The following CCDC148 variants were observed in gnomAD, a reference collection of about 807,000 sequenced individuals.
CCDC148 encodes the protein coiled-coil domain-containing protein 148.
In CCDC148, 89 loss-of-function variants were observed where a neutral mutation model predicts 85.7. That is an observed-to-expected ratio of 1.04 (90% CI 0.87 to 1.24). The LOEUF (loss-of-function observed/expected upper bound fraction) is 1.24. CCDC148 is among the 50% of genes most tolerant of loss of function. CCDC148 has a pLI of 0.00. For synonymous variants in CCDC148, 230 were observed against 213.9 expected, an observed-to-expected ratio of 1.08 and a Z score of -0.66; for missense variants, 692 against 671.7, an observed-to-expected ratio of 1.03 and a Z score of -0.33.
intron 11 of CCDC148, among the ~76,000 whole-genome samples, chr2:158,217,548 A>G (rs1686951715): frequency 6.6e-6 from 1 of 151,608 alleles, no homozygotes. Flanking sequence ...GTCTACAGGC[A>G]CCCGCCACCA....
intron 8 of CCDC148, among the ~76,000 whole-genome samples, chr2:158,310,606 G>T (rs548542007): frequency 2.3e-4 from 35 of 151,376 alleles, no homozygotes; most frequent in Non-Finnish European, 2.8e-4. Flanking sequence ...CTTCTCAGAC[G>T]GGGCGGCCAG....
chr2:158,344,230 G>A (rs1682883102), intron 3 of CCDC148, among the ~76,000 whole-genome samples: 1 of 152,034 alleles, frequency 6.6e-6, no homozygotes, highest in Non-Finnish European at 1.5e-5. Flanking sequence ...TGAGGGATAA[G>A]ATGGGTCTAA....
At chr2:158,367,976 G>A (rs1245034087) in intron 1 of CCDC148, among the ~76,000 whole-genome samples, 1 of 152,028 alleles carries the variant, frequency 6.6e-6, no homozygotes, top group Non-Finnish European at 1.5e-5. Context: ...GATGATTGAG[G>A]CTCAGAAAAA....
At chr2:158,453,981 C>T (rs1688504743) in intron 1 of CCDC148, among the ~76,000 whole-genome samples, 1 of 152,156 alleles carries the variant, frequency 6.6e-6, no homozygotes, top group South Asian at 2.1e-4. Context: ...TCAAGCCAGT[C>T]ATTTGCATTT....
intron 1 of CCDC148, chr2:158,424,803 A>G (rs1377221474): frequency 4.9e-6 from 1 of 205,266 alleles, no homozygotes; most frequent in Non-Finnish European, 1.0e-5. Flanking sequence ...TAAAGAATAT[A>G]TTGGAGCCTT....
At chr2:158,251,896 C>G (rs974584958) in intron 9 of CCDC148, among the ~76,000 whole-genome samples, 1 of 151,652 alleles carries the variant, frequency 6.6e-6, no homozygotes, top group Non-Finnish European at 1.5e-5. Context: ...GAATCACTTC[C>G]TGGGATTTAA....
At chr2:158,359,037 C>T (rs1038645720) in intron 1 of CCDC148, among the ~76,000 whole-genome samples, 22 of 152,050 alleles carry the variant, frequency 1.4e-4, no homozygotes, top group African/African-American at 2.9e-4. Context: ...TTTGAAAAAA[C>T]GGTTGAAACT....
Position 158,285,906 on chromosome 2 carries a change from A to G in CCDC148, c.1110+23527T>C, listed in dbSNP as rs72995472. 4.4e-3 allele frequency among the ~76,000 whole-genome samples: 666 copies of G among 152,186 alleles called. 4 individuals are homozygous for G. Among genetic ancestry groups the G allele is most frequent in the African/African-American group, 0.015 (618 of 41,522 alleles). ...AACAAGACAAAAATGGCCCTTATCA[A>G]TGCTTCTATTCAATACTGTAATGGA... On this transcript the variant is annotated intron_variant, in intron 9 of 13. Coordinates refer to ENST00000283233, the MANE Select transcript of CCDC148 (RefSeq NM_138803.4).
chr2:158,240,452 T>TCTCTCTCACA (rs941238898), intron 10 of CCDC148, among the ~76,000 whole-genome samples: 9,568 of 120,294 alleles, frequency 0.08, 480 homozygotes, highest in Non-Finnish European at 0.11. Context: ...TCTCTCTCTC[T>TCTCTCTCACA]CACACACACA....
At chr2:158,354,352 G>A (rs1683502876) in intron 2 of CCDC148, among the ~76,000 whole-genome samples, 2 of 152,110 alleles carry the variant, frequency 1.3e-5, no homozygotes, top group Admixed American at 1.3e-4. Flanking sequence ...AAGAAAAAAA[G>A]AGAGAAGAAT....
At chr2:158,357,493 A>C (rs1683722896) in intron 2 of CCDC148, among the ~76,000 whole-genome samples, 1 of 152,174 alleles carries the variant, frequency 6.6e-6, no homozygotes, top group African/African-American at 2.4e-5. Flanking sequence ...GTTTACATAT[A>C]TGTGTACAAT....
chr2:158,440,370 G>C (rs984225869), intron 1 of CCDC148, among the ~76,000 whole-genome samples: 1 of 151,996 alleles, frequency 6.6e-6, no homozygotes, highest in Admixed American at 6.6e-5. Context: ...CAAAAAAACT[G>C]TACATAAATA....
intron 9 of CCDC148, among the ~76,000 whole-genome samples, chr2:158,307,126 T>C (rs1334875253): frequency 6.6e-6 from 1 of 151,888 alleles, no homozygotes; most frequent in African/African-American, 2.4e-5. Context: ...CATTTAAAGA[T>C]GCCATTAAGA....
chr2:158,316,773 T>C (rs1342285255), intron 7 of CCDC148, among the ~76,000 whole-genome samples: 1 of 152,196 alleles, frequency 6.6e-6, no homozygotes, highest in East Asian at 1.9e-4. Flanking sequence ...CTCAGCTACA[T>C]ACATACCCTA....
At chr2:158,333,440 G>A (rs181095778) in intron 7 of CCDC148, among the ~76,000 whole-genome samples, 1 of 152,044 alleles carries the variant, frequency 6.6e-6, no homozygotes, top group Non-Finnish European at 1.5e-5. Flanking sequence ...CTTCCAATTA[G>A]ATGGTCAGTT....
chr2:158,172,254 A>C lies in CCDC148; in HGVS notation c.1635T>G (p.Ile545Met). The C allele has an allele frequency of 6.3e-7, 1 of 1,594,760 alleles. No homozygotes were observed. The change falls in exon 14 of 14, where the codon ATT (isoleucine) becomes ATG (methionine). Residue 545 changes from isoleucine to methionine, a missense_variant. Ile to Met is a conservative substitution (Grantham distance 10, BLOSUM62 1). Coordinates refer to ENST00000283233, the MANE Select transcript of CCDC148 (RefSeq NM_138803.4). ...TLNTYNEQQI[I>M]SDPRLRFELA... is the part of the protein sequence containing the mutation. ...ACTCGAAGCGAAGTCTAGGGTCAGA[A>C]ATTATCTGTAGAAATAAAAATACAA...
At chr2:158,252,301 G>A (rs947128712) in intron 9 of CCDC148, among the ~76,000 whole-genome samples, 26 of 151,674 alleles carry the variant, frequency 1.7e-4, no homozygotes, top group Admixed American at 3.3e-4. Context: ...TTCTACTCCC[G>A]TTTTTTAAAT....
At chr2:158,351,280 G>T (rs75341546) in intron 2 of CCDC148, among the ~76,000 whole-genome samples, 26,835 of 152,214 alleles carry the variant, frequency 0.18, 3,861 homozygotes, top group African/African-American at 0.4. Context: ...CCCAGCGTGA[G>T]TGACGCAGAA....
intron 1 of CCDC148, among the ~76,000 whole-genome samples, chr2:158,451,713 T>TA (rs144603968): frequency 6.6e-6 from 1 of 151,766 alleles, no homozygotes; most frequent in Non-Finnish European, 1.5e-5. Flanking sequence ...GACACCGCAC[T>TA]AAAAAAAATT....
Sources: gnomAD v4.1 joint callset for allele counts (sites outside exome capture counted in the v4.1 genomes callset) on GRCh38, gnomAD v4.1.1 for gene constraint, MANE v1.5 for transcripts, NCBI Gene and HGNC (gene_info 2026-07-23, HGNC 2026-07-21) for gene names.